VAV2: variants seen among roughly 807,000 people sequenced by gnomAD.
VAV2 encodes vav guanine nucleotide exchange factor 2, also known as guanine nucleotide exchange factor VAV2.
VAV2 carries 67 observed loss-of-function variants against 132.5 expected under a neutral mutation model. That is an observed-to-expected ratio of 0.51 (90% CI 0.42 to 0.62). The LOEUF is 0.62. VAV2 is among the 20% of genes least tolerant of loss of function. The pLI is 0.00. For missense variants in VAV2, 938 were observed against 1,153.6 expected, an observed-to-expected ratio of 0.81 and a Z score of 2.71; for synonymous variants, 492 against 443.5, an observed-to-expected ratio of 1.11 and a Z score of -1.37.
intron 4 of VAV2, among the ~76,000 whole-genome samples, chr9:133,821,409 T>A (rs970323459): frequency 6.6e-6 from 1 of 152,212 alleles, no homozygotes; most frequent in South Asian, 2.1e-4. Context: ...TTTCTAGCTC[T>A]GTAACTGCAA....
At chr9:133,808,447 T>C (rs1335086870) in intron 7 of VAV2, among the ~76,000 whole-genome samples, 3 of 152,280 alleles carry the variant, frequency 2.0e-5, no homozygotes, top group African/African-American at 7.2e-5. Flanking sequence ...CAGGGCCAGG[T>C]TGACCAGGTG....
In VAV2 at chr9:133,992,175, T is replaced by C; in HGVS notation, c.104A>G (p.Gln35Arg). The change falls in exon 1 of 30, where the codon CAG (glutamine) becomes CGG (arginine). Residue 35 changes from glutamine (Q) to arginine (R), a missense_variant. Coordinates refer to ENST00000371850, the MANE Select transcript of VAV2 (RefSeq NM_001134398.2). The surrounding 1 kb of genome is among the most constrained non-coding windows in gnomAD (Gnocchi z 5.5). ...CAGAAGGACCCCGTCGCGCAGCGCC[T>C]GCGCCAGGTCGAAGACCACGGCCGA... ...WPSAVVFDLA[Q>R]ALRDGVLLCQ... 6.3e-7 allele frequency: 1 copy of C among 1,598,914 alleles called. No homozygotes were observed.
At chr9:133,951,396 G>C (rs946612238) in intron 1 of VAV2, among the ~76,000 whole-genome samples, 1 of 152,168 alleles carries the variant, frequency 6.6e-6, no homozygotes, top group Non-Finnish European at 1.5e-5. Context: ...CCTCATGCCC[G>C]CCATGTCCCC....
rs1367821351 is a variant in VAV2, at chr9:133,786,056, C to G, written c.1423-171G>C. On this transcript the variant is annotated intron_variant, in intron 16 of 29. Transcript: ENST00000371850. The stretch of plus-strand genomic sequence containing the variant: ...CTCACGTGTGTACCTGCTCTCTTGC[C>G]CATGCTGTACGTGCACACGTGCCTC... 11 of 688,310 alleles carry G rather than the reference C, an allele frequency of 1.6e-5. No homozygotes were observed. The East Asian group carries it at 3.1e-4, about 19-fold the overall frequency. 42.6% of individuals were successfully genotyped at this position (688,310 alleles called of 1,614,324 possible).
chr9:133,924,482 G>A (rs1039878646), intron 2 of VAV2, among the ~76,000 whole-genome samples: 5 of 152,136 alleles, frequency 3.3e-5, no homozygotes, highest in South Asian at 2.1e-4. Context: ...CCACCACAGC[G>A]CCTGGCCCTT....
chr9:133,900,582 G>T (rs867113548), intron 2 of VAV2, among the ~76,000 whole-genome samples: 7 of 152,050 alleles, frequency 4.6e-5, no homozygotes. Context: ...ACACCCAGAA[G>T]GAAGGGGCGC....
At chr9:133,956,092 G>A (rs781417475) in intron 1 of VAV2, among the ~76,000 whole-genome samples, 8 of 151,998 alleles carry the variant, frequency 5.3e-5, no homozygotes, top group Non-Finnish European at 1.2e-4. Flanking sequence ...TGGACAAGTC[G>A]CTGACCCTCC....
At chr9:133,841,534 G>A (rs775244212) in intron 3 of VAV2, among the ~76,000 whole-genome samples, 11 of 152,102 alleles carry the variant, frequency 7.2e-5, no homozygotes, top group African/African-American at 2.7e-4. Flanking sequence ...TATGCAGCTC[G>A]TCCTGGAGTG....
intron 4 of VAV2, among the ~76,000 whole-genome samples, chr9:133,831,202 G>A (rs934389797): frequency 5.3e-5 from 8 of 152,138 alleles, no homozygotes; most frequent in African/African-American, 1.9e-4. Context: ...ATGGGAGGCC[G>A]AGGCAGGTGG....
chr9:133,827,600 G>C (rs78084508), intron 4 of VAV2, among the ~76,000 whole-genome samples: 19 of 32,122 alleles, frequency 5.9e-4, no homozygotes, highest in South Asian at 1.2e-3. Flanking sequence ...GGCATCGCCA[G>C]CTACTGCTGT....
rs9722384 is a variant in VAV2 at position 133,768,484 on chromosome 9, G to A, written c.2547C>T (p.Ile849=). 66,714 of 1,613,754 alleles carry A rather than the reference G, an allele frequency of 0.041. 3,729 individuals are homozygous for A. The highest frequency in any genetic ancestry group is 0.27 in the African/African-American group (20,408 of 74,924). ...CCTTCCACCAGCCCTGGTCTCCGCC[G>A]ATGCGGCTGTAGATCCTCACCACGT... ...EGDVVRIYSR[I]GGDQGWWKGE... is the part of the protein sequence containing the mutation. The change falls in exon 29 of 30, where the codon ATC becomes ATT. Residue 849 remains isoleucine, a synonymous_variant. Transcript: ENST00000371850. The surrounding 1 kb of genome is among the most constrained non-coding windows in gnomAD (Gnocchi z 5.3).
chr9:133,898,310 C>A (rs964450255), intron 2 of VAV2, among the ~76,000 whole-genome samples: 1 of 152,046 alleles, frequency 6.6e-6, no homozygotes, highest in African/African-American at 2.4e-5. Context: ...CTTTTTAGGG[C>A]GGATGTGGTG....
chr9:133,839,478 T>C (rs1178487633), intron 3 of VAV2, among the ~76,000 whole-genome samples: 2 of 144,470 alleles, frequency 1.4e-5, no homozygotes, highest in East Asian at 4.0e-4. Context: ...TGAGACGGAG[T>C]CTCACACTGT....
chr9:133,779,653 C>G (rs957246303), intron 21 of VAV2, among the ~76,000 whole-genome samples: 2 of 152,210 alleles, frequency 1.3e-5, no homozygotes, highest in Non-Finnish European at 2.9e-5. Context: ...GGTGGCCCTC[C>G]CTGGCTAGAA....
intron 1 of VAV2, among the ~76,000 whole-genome samples, chr9:133,941,688 TG>T (rs1376533765): frequency 6.7e-6 from 1 of 149,482 alleles, no homozygotes; most frequent in Non-Finnish European, 1.5e-5. Flanking sequence ...CCACAACCTC[TG>T]CCTCCCAGGT....
intron 2 of VAV2, among the ~76,000 whole-genome samples, chr9:133,900,809 G>T (rs952389397): frequency 9.1e-4 from 109 of 120,374 alleles, no homozygotes; most frequent in African/African-American, 3.5e-3. Context: ...ATTTATTTAT[G>T]TATTTTTGAG....
chr9:133,824,456 A>G lies in VAV2; in HGVS notation c.449+9816T>C, dbSNP rs1292185918. ...AGAGACCCAGCCAGGACACTCTTAA[A>G]ACCCCAGCCCAAAACAAGGTAGTGA... On this transcript the variant is annotated intron_variant, in intron 4 of 29. Coordinates refer to ENST00000371850, the MANE Select transcript of VAV2 (RefSeq NM_001134398.2). This position sits in a 1 kb window ranked among gnomAD's most constrained non-coding sequence, Gnocchi z 5.2. 6.6e-6 allele frequency among the ~76,000 whole-genome samples: 1 copy of G among 152,110 alleles called. No homozygotes were observed. The highest frequency in any genetic ancestry group is 1.5e-5 in the Non-Finnish European group (1 of 68,018).
intron 2 of VAV2, among the ~76,000 whole-genome samples, chr9:133,929,661 AC>A (rs1462589462): frequency 1.3e-5 from 2 of 152,032 alleles, no homozygotes; most frequent in Non-Finnish European, 2.9e-5. Flanking sequence ...CTGCTGACAA[AC>A]CCAGGGCCAG....
intron 3 of VAV2, among the ~76,000 whole-genome samples, chr9:133,853,101 G>T (rs968296418): frequency 6.6e-6 from 1 of 152,232 alleles, no homozygotes; most frequent in Non-Finnish European, 1.5e-5. Flanking sequence ...CGGCTGTCAG[G>T]TAAAAGCCGT....
Sources: allele counts gnomAD v4.1 joint callset (sites outside exome capture counted in the v4.1 genomes callset), GRCh38; gene constraint gnomAD v4.1.1; non-coding constraint Gnocchi (gnomAD v3.1); transcripts MANE v1.5; gene names NCBI Gene and HGNC (gene_info 2026-07-23, HGNC 2026-07-21).